Variants in EIF2AK1 observed in about 807,000 individuals in gnomAD.
EIF2AK1 encodes eukaryotic translation initiation factor 2-alpha kinase 1.
EIF2AK1 carries 54 observed loss-of-function variants against 77.9 expected under a neutral mutation model. That is an observed-to-expected ratio of 0.69 (90% confidence interval 0.56 to 0.87). The LOEUF (loss-of-function observed/expected upper bound fraction) is 0.87. Among genes scored for constraint, EIF2AK1 ranks in the 40% least tolerant of loss-of-function variants. The probability of loss-of-function intolerance (pLI) is 0.00; values close to 1 mark genes in which losing one functional copy is unlikely to be tolerated. For missense variants in EIF2AK1, 810 were observed against 768.6 expected, an observed-to-expected ratio of 1.05 and a Z score of -0.64; for synonymous variants, 314 against 290.5, an observed-to-expected ratio of 1.08 and a Z score of -0.82.
At chr7:6,054,187 C>T (rs886310847) in intron 2 of EIF2AK1, among the ~76,000 whole-genome samples, 15 of 149,612 alleles carry the variant, frequency 1.0e-4, no homozygotes, top group Admixed American at 9.5e-4. Flanking sequence ...GTGAGAACAG[C>T]AACACAGTAT....
Position 6,026,837 on chromosome 7 carries a change from C to T in EIF2AK1, c.1655G>A (p.Arg552Lys). The change falls in exon 14 of 15, where the codon AGG (arginine) becomes AAG (lysine). Residue 552 changes from arginine (R) to lysine (K), a missense_variant. Arg to Lys is a conservative substitution (Grantham distance 26). Transcript: ENST00000199389. ...TGQLPESLRK[R>K]CPVQAKYIQH... ...GATATACTTGGCTTGCACTGGACAC[C>T]TTTTACGGAGGGATTCCGGCAACTG... 2 of 1,614,146 alleles carry T rather than the reference C, an allele frequency of 1.2e-6. No individual in the cohort carries two copies. Among genetic ancestry groups the T allele is most frequent in the Middle Eastern group, 1.6e-4 (1 of 6,062 alleles).
At chr7:6,040,846 G>T in intron 9 of EIF2AK1, 46 bp downstream of exon 9, 1 of 1,508,260 alleles carries the variant, frequency 6.6e-7, no homozygotes, top group Non-Finnish European at 9.2e-7. Context: ...CACCTGCACA[G>T]TCACCAATAC....
chr7:6,046,059 T>A lies in EIF2AK1; in HGVS notation c.630+12A>T. The A allele has an allele frequency of 2.0e-6, 3 of 1,495,968 alleles. No individual in the cohort carries two copies. Among genetic ancestry groups the A allele is most frequent in the Non-Finnish European group, 2.7e-6 (3 of 1,098,320 alleles). 92.7% of individuals were successfully genotyped at this position (1,495,968 alleles called of 1,614,324 possible). ...ACAATTATTCAAAATAAGTAATTTT[T>A]AAAAATCATACCTTCATGCAAACTG... On this transcript the variant is annotated intron_variant, in intron 6 of 14. Coordinates refer to ENST00000199389, the MANE Select transcript of EIF2AK1 (RefSeq NM_014413.4).
At position 6,024,537 on chromosome 7, in the gene EIF2AK1, C is replaced by G; in HGVS notation, c.*136G>C. On this transcript the variant is annotated 3_prime_UTR_variant, in exon 15 of 15. Coordinates refer to ENST00000199389, the MANE Select transcript of EIF2AK1 (RefSeq NM_014413.4). ...TGTGGGGCAGGAAGGGAAGGAACGGCAGCTTGGGGCACTCTGACATCTTTA... is the reference window on the plus strand; with the variant it reads ...TGTGGGGCAGGAAGGGAAGGAACGGGAGCTTGGGGCACTCTGACATCTTTA... 1 of 1,473,386 alleles carries G rather than the reference C, an allele frequency of 6.8e-7. No individual in the cohort carries two copies. Among genetic ancestry groups the G allele is most frequent in the Admixed American group, 2.6e-5 (1 of 38,492 alleles). 91.3% of individuals were successfully genotyped at this position (1,473,386 alleles called of 1,614,324 possible).
intron 7 of EIF2AK1, 29 bp from the exon 8 acceptor site, chr7:6,043,022 C>G (rs186593266): frequency 1.9e-6 from 3 of 1,609,652 alleles, no homozygotes; most frequent in Non-Finnish European, 1.7e-6. Context: ...CAATCATCTT[C>G]AAACAGCCCA....
chr7:6,052,116 G>A (rs2128891647), intron 2 of EIF2AK1, among the ~76,000 whole-genome samples: 1 of 146,606 alleles, frequency 6.8e-6, no homozygotes, highest in African/African-American at 2.5e-5. Flanking sequence ...AGGTTGCAGT[G>A]AGCCGAGATC....
At chr7:6,050,839 G>C (rs912338573) in intron 2 of EIF2AK1, among the ~76,000 whole-genome samples, 1 of 151,752 alleles carries the variant, frequency 6.6e-6, no homozygotes, top group Non-Finnish European at 1.5e-5. Flanking sequence ...TCCTGACCTC[G>C]TGATCCACCC....
In EIF2AK1 at chr7:6,033,352, A is replaced by G. The variant is rs1024864344; in HGVS notation, c.1332+4072T>C. 6.6e-6 allele frequency among the ~76,000 whole-genome samples: 1 copy of G among 152,088 alleles called. No homozygotes were observed. The highest frequency in any genetic ancestry group is 1.5e-5 in the Non-Finnish European group (1 of 68,006). ...ATACATTTTTTCCACTTATGTTTGG[A>G]CTTGTTCGTTCTTATGAATGAACCA... On this transcript the variant is annotated intron_variant, in intron 11 of 14. Transcript: ENST00000199389. This position sits in a 1 kb window ranked among gnomAD's most constrained non-coding sequence, Gnocchi z 4.4.
chr7:6,045,644 G>A (rs1200075560), intron 6 of EIF2AK1, among the ~76,000 whole-genome samples: 1 of 151,638 alleles, frequency 6.6e-6, no homozygotes, highest in Non-Finnish European at 1.5e-5. Flanking sequence ...TCAGGGAGAA[G>A]ACTGACCTGG....
chr7:6,028,933 T>G lies in EIF2AK1; in HGVS notation c.1432A>C (p.Asn478His). 1 of 1,598,628 alleles carries G rather than the reference T, an allele frequency of 6.3e-7. No individual in the cohort carries two copies. Among genetic ancestry groups the G allele is most frequent in the Non-Finnish European group, 8.5e-7 (1 of 1,176,508 alleles). The change falls in exon 12 of 15, where the codon AAC (asparagine) becomes CAC (histidine). Residue 478 changes from asparagine to histidine, a missense_variant. Asn to His is a moderately conservative substitution (Grantham distance 68, BLOSUM62 1). This residue lies in a region of EIF2AK1 where 549 missense variants were observed against 533.7 expected (regional missense o/e 1.03). Transcript: ENST00000199389. ...AAAAACTTACTCTTCCCGTTTCTGTTGGTCCAGTCTGTGTTCTTCTGTAGG... is the reference window on the plus strand; with the variant it reads ...AAAAACTTACTCTTCCCGTTTCTGTGGGTCCAGTCTGTGTTCTTCTGTAGG... Reference protein sequence around the residue: ...DILQKNTDWTNRNGKRTPTHT... With the variant: ...DILQKNTDWTHRNGKRTPTHT...
chr7:6,048,412 A>G (rs1375863662), intron 4 of EIF2AK1, among the ~76,000 whole-genome samples: 1 of 152,336 alleles, frequency 6.6e-6, no homozygotes, highest in Admixed American at 6.5e-5. Flanking sequence ...TCCGTACTTC[A>G]TTCCTTTTAA....
At chr7:6,050,719 C>CA (rs1788585667) in intron 2 of EIF2AK1, among the ~76,000 whole-genome samples, 1 of 151,422 alleles carries the variant, frequency 6.6e-6, no homozygotes, top group Non-Finnish European at 1.5e-5. Flanking sequence ...TCTCCTGCCT[C>CA]AGCCTCCTGA....
chr7:6,026,123 G>A (rs527525611), intron 14 of EIF2AK1, among the ~76,000 whole-genome samples: 6 of 152,082 alleles, frequency 3.9e-5, no homozygotes, highest in South Asian at 4.2e-4. Flanking sequence ...CAACCCCATC[G>A]GGCACACTCT....
At chr7:6,054,946 G>A (rs1453825207) in intron 1 of EIF2AK1, among the ~76,000 whole-genome samples, 2 of 152,142 alleles carry the variant, frequency 1.3e-5, no homozygotes, top group Non-Finnish European at 2.9e-5. Context: ...ACAGTTTTCT[G>A]ATGTGTCCAA....
chr7:6,053,258 TAC>T (rs1788657964), intron 2 of EIF2AK1, among the ~76,000 whole-genome samples: 2 of 152,192 alleles, frequency 1.3e-5, no homozygotes, highest in South Asian at 4.1e-4. Flanking sequence ...GATATTTTGA[TAC>T]AGACATGTGA....
intron 11 of EIF2AK1, among the ~76,000 whole-genome samples, chr7:6,031,936 G>A (rs974621369): frequency 6.6e-6 from 1 of 152,204 alleles, no homozygotes; most frequent in Non-Finnish European, 1.5e-5. Context: ...CACTTTGGAA[G>A]GCTGAGGTGG....
chr7:6,056,370 G>A (rs1583502827), intron 1 of EIF2AK1, among the ~76,000 whole-genome samples: 1 of 146,152 alleles, frequency 6.8e-6, no homozygotes, highest in South Asian at 2.2e-4. Flanking sequence ...CGAGGCAGCT[G>A]TATCACAAGG....
chr7:6,040,521 C>G (rs145474522), intron 9 of EIF2AK1, among the ~76,000 whole-genome samples: 1,566 of 152,248 alleles, frequency 0.01, 21 homozygotes, highest in Non-Finnish European at 0.015. Flanking sequence ...GAATACTGAG[C>G]TGCTAATCCT....
intron 13 of EIF2AK1, chr7:6,028,111 GA>G (rs2128885090): frequency 2.9e-6 from 1 of 348,820 alleles, no homozygotes; most frequent in South Asian, 2.1e-5. Flanking sequence ...TGTGGATTTT[GA>G]AATGGTAAAG....
Sources: allele counts gnomAD v4.1 joint callset (sites outside exome capture counted in the v4.1 genomes callset), GRCh38; gene constraint gnomAD v4.1.1; regional missense constraint gnomAD v4.1.1; non-coding constraint Gnocchi (gnomAD v3.1); transcripts MANE v1.5; gene names NCBI Gene and HGNC (gene_info 2026-07-23, HGNC 2026-07-21).